Variants in LRP1B observed in about 807,000 individuals in gnomAD.
The protein encoded by LRP1B is LDL receptor related protein 1B, also known as low-density lipoprotein receptor-related protein 1B.
In LRP1B, 217 loss-of-function variants were observed where a neutral mutation model predicts 556.6. The observed-to-expected ratio is 0.39, with a 90% CI of 0.35 to 0.44. The LOEUF (loss-of-function observed/expected upper bound fraction) is 0.44, where lower values mean the gene tolerates loss of function less well. Among genes scored for constraint, LRP1B ranks in the 20% least tolerant of loss-of-function variants. The pLI, the probability that LRP1B is intolerant of heterozygous loss-of-function variation, is 1.00. For missense variants in LRP1B, 5,053 were observed against 5,620.8 expected (o/e 0.90, Z 3.23); for synonymous variants, 2,047 against 1,865.8 (o/e 1.10, Z -2.50).
rs965511563 is a variant in LRP1B, at chr2:141,206,390, G to A, written c.851-17807C>T. 3.3e-5 allele frequency among the ~76,000 whole-genome samples: 5 copies of A among 151,832 alleles called. No individual in the cohort carries two copies. In the East Asian group the frequency reaches 9.7e-4, roughly 30 times the overall value. The stretch of plus-strand genomic sequence containing the variant: ...AGGTCAGCAGATCGAGACCATCCTG[G>A]CTAACACGGTGAAACCCCGTCTCTA... On this transcript the variant is annotated intron_variant, in intron 6 of 90. Coordinates refer to ENST00000389484, the MANE Select transcript of LRP1B (RefSeq NM_018557.3).
chr2:140,643,693 T>G (rs998109245), intron 41 of LRP1B, among the ~76,000 whole-genome samples: 1 of 152,186 alleles, frequency 6.6e-6, no homozygotes, highest in Non-Finnish European at 1.5e-5. Flanking sequence ...TGGAGTTTTA[T>G]CCCCTCAAAA....
intron 66 of LRP1B, among the ~76,000 whole-genome samples, chr2:140,440,760 TAC>T (rs1558884393): frequency 1.3e-5 from 2 of 152,216 alleles, no homozygotes; most frequent in African/African-American, 4.8e-5. Context: ...TGTGTGTGTG[TAC>T]ACACACTGGT....
chr2:141,349,035 C>T (rs1688355406), intron 3 of LRP1B, among the ~76,000 whole-genome samples: 1 of 151,980 alleles, frequency 6.6e-6, no homozygotes, highest in Non-Finnish European at 1.5e-5. Flanking sequence ...CCATTAAACC[C>T]TTTTTCTTGT....
chr2:141,902,888 G>A (rs1434163203), intron 1 of LRP1B, among the ~76,000 whole-genome samples: 1 of 151,934 alleles, frequency 6.6e-6, no homozygotes, highest in East Asian at 1.9e-4. Flanking sequence ...TTTAATGGAA[G>A]CATATTTTGT....
At chr2:141,373,758 G>A (rs1689326083) in intron 3 of LRP1B, among the ~76,000 whole-genome samples, 1 of 151,794 alleles carries the variant, frequency 6.6e-6, no homozygotes, top group Admixed American at 6.6e-5. Flanking sequence ...TTAAACCATT[G>A]ACATACAAGG....
chr2:140,833,814 G>A (rs1691802988), intron 31 of LRP1B, among the ~76,000 whole-genome samples: 1 of 151,990 alleles, frequency 6.6e-6, no homozygotes, highest in Admixed American at 6.6e-5. Context: ...TTTTTACAAA[G>A]GTTATGTTTA....
At chr2:141,179,860 A>G (rs77980568) in intron 7 of LRP1B, among the ~76,000 whole-genome samples, 3,170 of 150,758 alleles carry the variant, frequency 0.021, 43 homozygotes, top group South Asian at 0.065. Context: ...AGAATGAATC[A>G]TAACAACACA....
intron 7 of LRP1B, among the ~76,000 whole-genome samples, chr2:141,090,885 TAAG>T (rs984666552): frequency 1.6e-4 from 24 of 152,284 alleles, no homozygotes; most frequent in Admixed American, 5.2e-4. Flanking sequence ...CTTGTACTGA[TAAG>T]AAGATTTGAC....
At chr2:141,849,519 A>C (rs1574424853) in intron 1 of LRP1B, among the ~76,000 whole-genome samples, 1 of 151,742 alleles carries the variant, frequency 6.6e-6, no homozygotes, top group African/African-American at 2.4e-5. Flanking sequence ...TTTCAAATCT[A>C]CTGTCTCATA....
At chr2:142,014,744 T>A (rs1384762502) in intron 1 of LRP1B, among the ~76,000 whole-genome samples, 1 of 152,086 alleles carries the variant, frequency 6.6e-6, no homozygotes, top group Non-Finnish European at 1.5e-5. Context: ...CATAGTTACA[T>A]TGCAAGTGCC....
chr2:140,379,229 C>T (rs74426212), intron 67 of LRP1B, among the ~76,000 whole-genome samples: 3,501 of 152,206 alleles, frequency 0.023, 51 homozygotes, highest in Non-Finnish European at 0.023. Context: ...GGTCAAGAAG[C>T]AATAACTAAC....
At chr2:141,408,365 C>T (rs549850280) in intron 3 of LRP1B, among the ~76,000 whole-genome samples, 2 of 151,962 alleles carry the variant, frequency 1.3e-5, no homozygotes, top group Admixed American at 6.6e-5. Context: ...AGGATGGTCT[C>T]GATCTCCTGA....
At chr2:141,327,219 T>C (rs1022636504) in intron 3 of LRP1B, among the ~76,000 whole-genome samples, 7 of 152,156 alleles carry the variant, frequency 4.6e-5, no homozygotes, top group Admixed American at 3.9e-4. Flanking sequence ...TTTAGATCTT[T>C]TAAATTGAGT....
At chr2:142,081,585 A>C (rs1705718196) in intron 1 of LRP1B, among the ~76,000 whole-genome samples, 2 of 152,190 alleles carry the variant, frequency 1.3e-5, no homozygotes, top group Non-Finnish European at 2.9e-5. Context: ...GAACACTCAG[A>C]TATTAGTTCA....
At chr2:141,051,348 T>A (rs1402170762) in intron 10 of LRP1B, among the ~76,000 whole-genome samples, 2 of 152,084 alleles carry the variant, frequency 1.3e-5, no homozygotes, top group Non-Finnish European at 2.9e-5. Flanking sequence ...TGCAGCATTA[T>A]TTAAATAGCA....
chr2:141,467,102 G>GTATATATATA (rs1384566758), intron 3 of LRP1B, among the ~76,000 whole-genome samples: 9 of 84,390 alleles, frequency 1.1e-4, no homozygotes, highest in African/African-American at 5.3e-4. Context: ...ATATATATGT[G>GTATATATATA]TATATATATA....
chr2:140,834,175 T>C (rs1691816880), intron 31 of LRP1B, among the ~76,000 whole-genome samples: 2 of 152,198 alleles, frequency 1.3e-5, no homozygotes, highest in South Asian at 4.1e-4. Context: ...ATCCTAACCA[T>C]ACCTTCATTT....
At chr2:140,513,958 T>G (rs943172512) in intron 51 of LRP1B, among the ~76,000 whole-genome samples, 1 of 151,948 alleles carries the variant, frequency 6.6e-6, no homozygotes, top group Non-Finnish European at 1.5e-5. Context: ...TCTTGGCCGG[T>G]AAGAACAAAT....
intron 84 of LRP1B, among the ~76,000 whole-genome samples, chr2:140,275,711 C>A (rs565726928): frequency 2.0e-5 from 3 of 151,948 alleles, no homozygotes; most frequent in African/African-American, 7.2e-5. Flanking sequence ...GGCTATTATC[C>A]TTTTCTAAGG....
Sources: allele counts gnomAD v4.1 joint callset (sites outside exome capture counted in the v4.1 genomes callset), GRCh38; gene constraint gnomAD v4.1.1; transcripts MANE v1.5; gene names NCBI Gene and HGNC (gene_info 2026-07-23, HGNC 2026-07-21).